PCCA: variants seen among roughly 807,000 people sequenced by gnomAD.
PCCA encodes the protein propionyl-CoA carboxylase alpha chain, mitochondrial.
A neutral mutation model predicts 101.3 loss-of-function variants in PCCA; 74 were observed. The ratio of observed to expected loss-of-function variants is 0.73; its 90% CI spans 0.61 to 0.89. The LOEUF is 0.89. PCCA is among the 40% of genes least tolerant of loss of function. The pLI, the probability that PCCA is intolerant of heterozygous loss-of-function variation, is 0.00. For missense variants in PCCA, 891 were observed against 907.0 expected (o/e 0.98, Z 0.23); for synonymous variants, 294 against 313.6 (o/e 0.94, Z 0.66).
intron 20 of PCCA, among the ~76,000 whole-genome samples, chr13:100,445,383 T>C (rs1595925833): frequency 7.4e-6 from 1 of 135,134 alleles, no homozygotes; most frequent in Non-Finnish European, 1.7e-5. Context: ...AATGGCTACA[T>C]TGAGCTAATT....
intron 13 of PCCA, among the ~76,000 whole-genome samples, chr13:100,302,343 A>T (rs1432764390): frequency 6.6e-6 from 1 of 152,158 alleles, no homozygotes; most frequent in Non-Finnish European, 1.5e-5. Context: ...GAGTTCAAAA[A>T]TATGTTTTGG....
intron 21 of PCCA, among the ~76,000 whole-genome samples, chr13:100,495,968 TCTC>T (rs1361549878): frequency 4.6e-5 from 3 of 65,278 alleles, no homozygotes; most frequent in Middle Eastern, 4.9e-3. Context: ...TTCCTCTCTT[TCTC>T]TCTCTCTCTC....
intron 21 of PCCA, among the ~76,000 whole-genome samples, chr13:100,477,655 G>A (rs910514854): frequency 1.3e-5 from 2 of 152,138 alleles, no homozygotes; most frequent in African/African-American, 4.8e-5. Context: ...AAGAACTGTG[G>A]TAATCCTTGT....
chr13:100,396,963 G>A (rs1030903395), intron 19 of PCCA, among the ~76,000 whole-genome samples: 2 of 152,170 alleles, frequency 1.3e-5, no homozygotes, highest in South Asian at 2.1e-4. Flanking sequence ...TTTCTTCCAC[G>A]ATAGGGCGCG....
intron 21 of PCCA, among the ~76,000 whole-genome samples, chr13:100,498,275 T>TC (rs1371547617): frequency 3.3e-5 from 5 of 152,052 alleles, no homozygotes; most frequent in African/African-American, 1.2e-4. Flanking sequence ...TTTTATTTTT[T>TC]CATTCACAAA....
intron 21 of PCCA, among the ~76,000 whole-genome samples, chr13:100,456,673 A>G (rs563547016): frequency 4.6e-5 from 7 of 152,330 alleles, no homozygotes; most frequent in Non-Finnish European, 8.8e-5. Flanking sequence ...AGAAGGCAGC[A>G]TACGTCAGCG....
At chr13:100,338,568 A>G (rs572312272) in intron 17 of PCCA, among the ~76,000 whole-genome samples, 103 of 152,056 alleles carry the variant, frequency 6.8e-4, no homozygotes, top group African/African-American at 2.1e-3. Flanking sequence ...CAAGACTGAG[A>G]GCAAATTTTT....
At chr13:100,330,799 G>A in intron 17 of PCCA, 128 bp downstream of exon 17, 10 of 661,178 alleles carry the variant, frequency 1.5e-5, no homozygotes, top group Non-Finnish European at 2.7e-5. Context: ...TTTAGAACAT[G>A]CAAGACTGTT....
chr13:100,487,096 G>A (rs2152975713), intron 21 of PCCA, among the ~76,000 whole-genome samples: 1 of 152,252 alleles, frequency 6.6e-6, no homozygotes, highest in South Asian at 2.1e-4. Flanking sequence ...AAGGAGTTGT[G>A]CTAATTAAAA....
In PCCA at chr13:100,469,211, C is replaced by CAAAAAAAAAAAAAAAAAAAAAAAAAAAAA. The variant is rs534361898; in HGVS notation, c.1899+19922_1899+19923insAAAAAAAAAAAAAAAAAAAAAAAAAAAAA. On this transcript the variant is annotated intron_variant, in intron 21 of 23. Coordinates refer to ENST00000376285, the MANE Select transcript of PCCA (RefSeq NM_000282.4). ...GGGCAACAAGAGTGAAACTCCGTCT[C>CAAAAAAAAAAAAAAAAAAAAAAAAAAAAA]AAAAAAAAAAAAAAAAGAATCCCTT... 2.3e-4 allele frequency among the ~76,000 whole-genome samples: 15 copies of CAAAAAAAAAAAAAAAAAAAAAAAAAAAAA among 65,012 alleles called. 1 individual carries two copies. The highest frequency in any genetic ancestry group is 2.7e-4 in the Non-Finnish European group (9 of 33,286). The allele number at this position is 65,012 out of a possible 152,430, so 42.7% of individuals were successfully genotyped here. A position where few individuals can be genotyped will look rare whatever the true frequency, so the allele number is the denominator to read the frequency against.
chr13:100,329,168 G>A (rs927081465), intron 16 of PCCA, among the ~76,000 whole-genome samples: 2 of 151,906 alleles, frequency 1.3e-5, no homozygotes, highest in African/African-American at 2.4e-5. Flanking sequence ...TCATTTTAAT[G>A]TACATTTCTC....
rs779613493 is a variant in PCCA, at chr13:100,530,145, T to C, written c.2166T>C (p.Asp722=). 1.2e-6 allele frequency: 2 copies of C among 1,614,032 alleles called. No homozygotes were observed. Among genetic ancestry groups the C allele is most frequent in the Non-Finnish European group, 1.7e-6 (2 of 1,179,858 alleles). The change falls in exon 24 of 24, where the codon GAT becomes GAC. Residue 722 remains aspartate, a synonymous_variant. Transcript: ENST00000376285. The part of the protein sequence containing the change: ...CQAGDTVGEG[D]LLVELE Reference sequence around the variant, plus strand: ...CTGGAGACACAGTTGGAGAAGGGGATCTGCTCGTGGAGCTGGAATGAAGGA... The same window carrying C: ...CTGGAGACACAGTTGGAGAAGGGGACCTGCTCGTGGAGCTGGAATGAAGGA...
At chr13:100,500,531 G>A (rs1177428732) in intron 21 of PCCA, among the ~76,000 whole-genome samples, 7 of 152,042 alleles carry the variant, frequency 4.6e-5, no homozygotes, top group Non-Finnish European at 1.0e-4. Context: ...CCCAAATATT[G>A]AGCAGTTAAG....
rs369773631 is a variant in PCCA, at chr13:100,290,246, C to T, written c.1066-11214C>T. Among the ~76,000 whole-genome samples the T allele has an allele frequency of 1.1e-4, 16 of 151,978 alleles. No individual in the cohort carries two copies. The East Asian group carries it at 2.1e-3, about 20-fold the overall frequency. ...TTTTTTCTTGAGACAGGGCCTCATC[C>T]TGTCACCCAGGCTGGAGTGCAGTGG... On this transcript the variant is annotated intron_variant, in intron 12 of 23. Transcript: ENST00000376285.
At chr13:100,352,255 T>C (rs1318556929) in intron 18 of PCCA, among the ~76,000 whole-genome samples, 1 of 152,136 alleles carries the variant, frequency 6.6e-6, no homozygotes, top group African/African-American at 2.4e-5. Context: ...TCAAACCATA[T>C]GCTTTACAAG....
At chr13:100,214,070 T>A (rs1270397357) in intron 7 of PCCA, among the ~76,000 whole-genome samples, 3 of 152,152 alleles carry the variant, frequency 2.0e-5, no homozygotes, top group Non-Finnish European at 4.4e-5. Flanking sequence ...GGTTCTCTAT[T>A]CTGTTCTATT....
intron 12 of PCCA, among the ~76,000 whole-genome samples, chr13:100,279,405 T>C (rs921144147): frequency 2.0e-5 from 3 of 152,202 alleles, no homozygotes; most frequent in South Asian, 2.1e-4. Context: ...ACAAAGAATT[T>C]TGGACTTCAT....
chr13:100,303,591 T>C (rs1380190358), intron 14 of PCCA, among the ~76,000 whole-genome samples: 2 of 151,806 alleles, frequency 1.3e-5, no homozygotes, highest in Admixed American at 6.6e-5. Flanking sequence ...GGACATACCC[T>C]TTTTCTTAAT....
intron 5 of PCCA, 65 bp downstream of exon 5, chr13:100,155,157 G>C: frequency 2.9e-6 from 3 of 1,043,450 alleles, no homozygotes; most frequent in Non-Finnish European, 4.4e-6. Context: ...GCTAGAGTTT[G>C]TATTTAAAAA....
Sources: allele counts gnomAD v4.1 joint callset (sites outside exome capture counted in the v4.1 genomes callset), GRCh38; gene constraint gnomAD v4.1.1; transcripts MANE v1.5; gene names NCBI Gene and HGNC (gene_info 2026-07-23, HGNC 2026-07-21).